Variants in PAX5 observed in about 807,000 individuals in gnomAD.
PAX5 encodes paired box 5, also known as paired box protein Pax-5.
PAX5 carries 9 observed loss-of-function variants against 43.7 expected under a neutral mutation model. The ratio of observed to expected loss-of-function variants is 0.21; its 90% CI spans 0.12 to 0.36. PAX5 has a LOEUF of 0.36. PAX5 is among the 10% of genes least tolerant of loss of function. PAX5 has a pLI of 1.00. For synonymous variants in PAX5, 228 were observed against 214.3 expected, an observed-to-expected ratio of 1.06 and a Z score of -0.56; for missense variants, 383 against 532.7, an observed-to-expected ratio of 0.72 and a Z score of 2.77.
At chr9:36,884,546 T>C (rs1170804195) in intron 7 of PAX5, among the ~76,000 whole-genome samples, 1 of 152,242 alleles carries the variant, frequency 6.6e-6, no homozygotes, top group East Asian at 1.9e-4. Flanking sequence ...ATTGGTGAGA[T>C]ACTTAGAGAA....
rs552081019 is a variant in PAX5, at chr9:36,834,915, G to A, written c.*5645C>T. ...CCTGCCAGGCCTCAGAGTCGGGGAG[G>A]AGATGCACGACTGCCAAGTCACCCC... is the stretch of plus-strand genomic sequence containing the variant. On this transcript the variant is annotated 3_prime_UTR_variant, in exon 10 of 10. Transcript: ENST00000358127. 4.3e-6 allele frequency: 1 copy of A among 232,182 alleles called. No individual in the cohort carries two copies. Among genetic ancestry groups the A allele is most frequent in the East Asian group, 6.1e-5 (1 of 16,390 alleles). 14.4% of individuals were successfully genotyped at this position (232,182 alleles called of 1,614,324 possible).
intron 5 of PAX5, among the ~76,000 whole-genome samples, chr9:36,997,663 G>C (rs188043668): frequency 4.9e-4 from 74 of 152,304 alleles, no homozygotes; most frequent in East Asian, 3.9e-3. Flanking sequence ...CAGCTTCCTC[G>C]ACGAAAGCTC....
At chr9:36,872,302 A>G (rs1825563956) in intron 8 of PAX5, among the ~76,000 whole-genome samples, 1 of 152,196 alleles carries the variant, frequency 6.6e-6, no homozygotes, top group Non-Finnish European at 1.5e-5. Context: ...GGGAACTTGG[A>G]AGCACTTTCT....
intron 8 of PAX5, among the ~76,000 whole-genome samples, chr9:36,851,016 C>T (rs1430860593): frequency 6.6e-6 from 1 of 152,170 alleles, no homozygotes; most frequent in Non-Finnish European, 1.5e-5. Context: ...ATTCCTGCGG[C>T]GGGGCTGAAA....
intron 8 of PAX5, among the ~76,000 whole-genome samples, chr9:36,850,475 G>A (rs1271195773): frequency 2.0e-5 from 3 of 152,172 alleles, no homozygotes; most frequent in Non-Finnish European, 4.4e-5. Flanking sequence ...CTTTTGTTGC[G>A]GCCTCCGGAG....
intron 8 of PAX5, among the ~76,000 whole-genome samples, chr9:36,853,423 G>A (rs1352558945): frequency 6.6e-6 from 1 of 152,102 alleles, no homozygotes; most frequent in Non-Finnish European, 1.5e-5. Flanking sequence ...CGAGAACCCA[G>A]CTATCTGGGG....
At chr9:36,930,968 G>A in intron 6 of PAX5, 1 of 652,158 alleles carries the variant, frequency 1.5e-6, no homozygotes, top group South Asian at 1.5e-5. Context: ...GAGGAGAAAA[G>A]AAACACAGAC....
intron 5 of PAX5, among the ~76,000 whole-genome samples, chr9:36,986,102 G>A (rs2277145): frequency 0.093 from 14,076 of 151,948 alleles, 794 homozygotes; most frequent in African/African-American, 0.16. Flanking sequence ...CCCTCGCCCC[G>A]GCGCGCATCA....
intron 8 of PAX5, among the ~76,000 whole-genome samples, chr9:36,868,760 G>A (rs950380927): frequency 1.3e-5 from 2 of 152,036 alleles, no homozygotes; most frequent in Admixed American, 6.5e-5. Flanking sequence ...AGTTCCAGGC[G>A]CCAAGCCCAG....
chr9:36,903,517 G>A (rs1364845341), intron 7 of PAX5, among the ~76,000 whole-genome samples: 4 of 152,266 alleles, frequency 2.6e-5, no homozygotes, highest in African/African-American at 9.6e-5. Flanking sequence ...TGAGGGCTGG[G>A]AGGCTGCACA....
At chr9:36,924,308 C>T (rs949568184) in intron 6 of PAX5, among the ~76,000 whole-genome samples, 1 of 152,162 alleles carries the variant, frequency 6.6e-6, no homozygotes, top group African/African-American at 2.4e-5. Flanking sequence ...AGAATGGTCT[C>T]CAGAGAAGGC....
chr9:36,878,086 A>G (rs945330801), intron 8 of PAX5, among the ~76,000 whole-genome samples: 2 of 152,258 alleles, frequency 1.3e-5, no homozygotes, highest in African/African-American at 4.8e-5. Context: ...CAGGGCCTCC[A>G]GAGGGAGCAT....
At chr9:36,974,340 CCA>C (rs1313448755) in intron 5 of PAX5, among the ~76,000 whole-genome samples, 1 of 152,156 alleles carries the variant, frequency 6.6e-6, no homozygotes, top group African/African-American at 2.4e-5. Flanking sequence ...GCAAAGCTCC[CCA>C]CACCCCCTGT....
At chr9:36,982,139 C>A (rs887545826) in intron 5 of PAX5, among the ~76,000 whole-genome samples, 1 of 152,164 alleles carries the variant, frequency 6.6e-6, no homozygotes, top group Non-Finnish European at 1.5e-5. Flanking sequence ...GTGGCACACA[C>A]CTGTAGGCCC....
chr9:36,966,827 C>T (rs1343469867), intron 5 of PAX5, 103 bp from the exon 6 acceptor site: 1 of 993,398 alleles, frequency 1.0e-6, no homozygotes, highest in East Asian at 2.5e-5. Context: ...ACCCCAACTC[C>T]CTCCCTGACC....
intron 8 of PAX5, among the ~76,000 whole-genome samples, chr9:36,879,220 T>C (rs1826185461): frequency 6.6e-6 from 1 of 151,912 alleles, no homozygotes; most frequent in Admixed American, 6.6e-5. Context: ...GGGCAAAGAG[T>C]CGCCATCCAT....
In PAX5 at chr9:36,882,108, GA is replaced by G; in HGVS notation, c.911-4del. Reference sequence around the variant, plus strand: ...GGTCGTGCTCGCCAAGTCACGGCCTGAGGAATCAAAGCAACAAATCACAGGG... The same window carrying G: ...GGTCGTGCTCGCCAAGTCACGGCCTGGGAATCAAAGCAACAAATCACAGGG... On this transcript the variant is annotated splice_region_variant and splice_polypyrimidine_tract_variant and intron_variant, in intron 7 of 9. Coordinates refer to ENST00000358127, the MANE Select transcript of PAX5 (RefSeq NM_016734.3). The surrounding 1 kb of genome is among the most constrained non-coding windows in gnomAD (Gnocchi z 4.4). The G allele has an allele frequency of 6.3e-7, 1 of 1,580,108 alleles. No homozygotes were observed. Among genetic ancestry groups the G allele is most frequent in the Non-Finnish European group, 8.6e-7 (1 of 1,159,152 alleles).
intron 7 of PAX5, among the ~76,000 whole-genome samples, chr9:36,885,088 C>G (rs150898192): frequency 7.3e-4 from 111 of 152,312 alleles, no homozygotes; most frequent in African/African-American, 2.5e-3. Context: ...AACAAAGGGC[C>G]TGGGTTGTTC....
intron 5 of PAX5, among the ~76,000 whole-genome samples, chr9:36,990,000 T>C (rs7855299): frequency 6.6e-6 from 1 of 151,688 alleles, no homozygotes; most frequent in African/African-American, 2.4e-5. Context: ...TGTGTGCTGG[T>C]GGGGAGTTGG....
Sources: gnomAD v4.1 joint callset for allele counts (sites outside exome capture counted in the v4.1 genomes callset) on GRCh38, gnomAD v4.1.1 for gene constraint, Gnocchi (gnomAD v3.1) non-coding constraint, MANE v1.5 for transcripts, NCBI Gene and HGNC (gene_info 2026-07-23, HGNC 2026-07-21) for gene names.